The following EPN2 variants were observed in gnomAD, a reference collection of about 807,000 sequenced individuals.
EPN2 encodes the protein epsin-2.
EPN2 carries 34 observed loss-of-function variants against 61.7 expected under a neutral mutation model. That is an observed-to-expected ratio of 0.55 (90% CI 0.42 to 0.73). The LOEUF (loss-of-function observed/expected upper bound fraction) is 0.73, where lower values mean the gene tolerates loss of function less well. EPN2 is among the 30% of genes least tolerant of loss of function. EPN2 has a pLI of 0.00. For missense variants in EPN2, 714 were observed against 839.2 expected, an observed-to-expected ratio of 0.85 and a Z score of 1.84; for synonymous variants, 349 against 353.6, an observed-to-expected ratio of 0.99 and a Z score of 0.15.
intron 5 of EPN2, 32 bp downstream of exon 5, chr17:19,310,029 G>GC: frequency 4.1e-6 from 6 of 1,446,674 alleles, no homozygotes; most frequent in Non-Finnish European, 5.8e-6. Flanking sequence ...GCACTGCATT[G>GC]ACTGCCCATG....
intron 5 of EPN2, 81 bp downstream of exon 5, chr17:19,310,078 GAC>G (rs1485972602): frequency 8.4e-6 from 8 of 951,728 alleles, no homozygotes; most frequent in Admixed American, 3.6e-5. Flanking sequence ...GAAGATGGCA[GAC>G]ACAGCCCTGT....
intron 1 of EPN2, among the ~76,000 whole-genome samples, chr17:19,268,429 C>T (rs531343001): frequency 2.0e-4 from 30 of 152,216 alleles, no homozygotes; most frequent in African/African-American, 6.7e-4. Context: ...ATGATCATGG[C>T]TCACTGCAGC....
At chr17:19,297,851 CTTAG>C (rs374019112) in intron 4 of EPN2, among the ~76,000 whole-genome samples, 128 of 152,248 alleles carry the variant, frequency 8.4e-4, no homozygotes, top group African/African-American at 3.0e-3. Flanking sequence ...TTGCTAGATA[CTTAG>C]TTATATTTAT....
At chr17:19,327,234 A>G (rs1906921548) in intron 7 of EPN2, among the ~76,000 whole-genome samples, 2 of 152,198 alleles carry the variant, frequency 1.3e-5, no homozygotes, top group African/African-American at 4.8e-5. Context: ...CCTTCAACAG[A>G]GGAATCATGA....
At position 19,309,915 on chromosome 17, in the gene EPN2, A is replaced by G. The variant is rs1906037156; in HGVS notation, c.797A>G (p.Glu266Gly). The G allele has an allele frequency of 6.2e-7, 1 of 1,608,852 alleles. No individual in the cohort carries two copies. Among genetic ancestry groups the G allele is most frequent in the Admixed American group, 1.7e-5 (1 of 60,002 alleles). Reference protein sequence around the residue: ...ATSPRVSSELEQARPQTSGEE... With the variant: ...ATSPRVSSELGQARPQTSGEE... ...TCCCCGCGAGTGTCCTCCGAGCTGG[A>G]GCAAGCCCGGCCCCAGACTAGTGGA... Residue 266 changes from glutamate (E) to glycine (G), a missense_variant, in exon 5 of 11, where the codon GAG becomes GGG. Physicochemically the swap from Glu to Gly is moderately conservative, Grantham distance 98. This residue lies in a region of EPN2 where 304 missense variants were observed against 417.4 expected (regional missense o/e 0.73). Transcript: ENST00000314728.
At chr17:19,325,639 A>G (rs1471717612) in intron 7 of EPN2, among the ~76,000 whole-genome samples, 1 of 152,224 alleles carries the variant, frequency 6.6e-6, no homozygotes, top group Non-Finnish European at 1.5e-5. Context: ...ATGGTAAAAT[A>G]TTAAAAATTG....
At chr17:19,295,925 G>T (rs1349780785) in intron 4 of EPN2, among the ~76,000 whole-genome samples, 1 of 152,116 alleles carries the variant, frequency 6.6e-6, no homozygotes, top group African/African-American at 2.4e-5. Context: ...CTCATGGCCC[G>T]TAGCAGTGTC....
Position 19,334,314 on chromosome 17 carries a change from C to A in EPN2, c.*60C>A. 1.5e-6 allele frequency: 2 copies of A among 1,319,126 alleles called. No homozygotes were observed. The highest frequency in any genetic ancestry group is 2.9e-5 in the East Asian group (1 of 34,928). The allele number at this position is 1,319,126 out of a possible 1,614,324, so 81.7% of individuals were successfully genotyped here. A position where few individuals can be genotyped will look rare whatever the true frequency, so the allele number is the denominator to read the frequency against. On this transcript the variant is annotated 3_prime_UTR_variant, in exon 11 of 11. Coordinates refer to ENST00000314728, the MANE Select transcript of EPN2 (RefSeq NM_014964.5). The surrounding 1 kb of genome is among the most constrained non-coding windows in gnomAD (Gnocchi z 4.9). ...CTGGAGGATGCCGAGCAGGGACTCTCGTCTGTGGGACGGGATCCAAGAGTT... is the reference window on the plus strand; with the variant it reads ...CTGGAGGATGCCGAGCAGGGACTCTAGTCTGTGGGACGGGATCCAAGAGTT...
intron 7 of EPN2, among the ~76,000 whole-genome samples, chr17:19,319,951 C>T (rs1014833767): frequency 2.6e-5 from 4 of 152,204 alleles, no homozygotes; most frequent in East Asian, 3.9e-4. Context: ...TACACCATGC[C>T]CAGCGACAGA....
intron 1 of EPN2, among the ~76,000 whole-genome samples, chr17:19,264,333 G>A (rs1002029239): frequency 6.6e-6 from 1 of 152,176 alleles, no homozygotes; most frequent in Admixed American, 6.5e-5. Context: ...CCTCCTGTTG[G>A]GATGTCAGCT....
At position 19,313,168 on chromosome 17, in the gene EPN2, C is replaced by G. The variant is rs760514767; in HGVS notation, c.1036C>G (p.Pro346Ala). Residue 346 changes from proline (P) to alanine (A), a missense_variant, in exon 7 of 11, where the codon CCC (proline) becomes GCC (alanine). Physicochemically the swap from Pro to Ala is conservative, Grantham distance 27. Transcript: ENST00000314728. Reference sequence around the variant, plus strand: ...AATGGATGCTCTCCCCAGCTCGGGCCCCGCGGCCCAGAAAGCAGAGCCCTG... The same window carrying G: ...AATGGATGCTCTCCCCAGCTCGGGCGCCGCGGCCCAGAAAGCAGAGCCCTG... ...DLMDALPSSG[P>A]AAQKAEPWGP... 1.2e-6 allele frequency: 2 copies of G among 1,613,792 alleles called. No individual in the cohort carries two copies. The highest frequency in any genetic ancestry group is 1.7e-6 in the Non-Finnish European group (2 of 1,179,842).
intron 1 of EPN2, among the ~76,000 whole-genome samples, chr17:19,260,782 A>C (rs2045132931): frequency 6.6e-6 from 1 of 152,022 alleles, no homozygotes; most frequent in African/African-American, 2.4e-5. Context: ...AGCAGTTTGA[A>C]TACCCTTCTA....
At chr17:19,314,765 T>G (rs749642513) in intron 7 of EPN2, among the ~76,000 whole-genome samples, 22 of 152,256 alleles carry the variant, frequency 1.4e-4, no homozygotes, top group Non-Finnish European at 7.3e-5. Context: ...TTCACAAGGT[T>G]TGTCACTTGT....
At chr17:19,280,300 A>T (rs1282114560) in intron 1 of EPN2, among the ~76,000 whole-genome samples, 1 of 152,208 alleles carries the variant, frequency 6.6e-6, no homozygotes, top group East Asian at 1.9e-4. Context: ...ATTACTATTG[A>T]TTTTGACACA....
intron 1 of EPN2, among the ~76,000 whole-genome samples, chr17:19,244,935 C>A (rs373467706): frequency 2.0e-5 from 3 of 152,160 alleles, no homozygotes; most frequent in African/African-American, 7.2e-5. Flanking sequence ...TTTATTTCCA[C>A]GACCTCATTT....
intron 1 of EPN2, among the ~76,000 whole-genome samples, chr17:19,242,252 A>G (rs2044892839): frequency 6.6e-6 from 1 of 152,130 alleles, no homozygotes; most frequent in Admixed American, 6.6e-5. Flanking sequence ...GAGTCTGGCC[A>G]GTATGGCAAA....
At chr17:19,277,350 G>A (rs113436996) in intron 1 of EPN2, among the ~76,000 whole-genome samples, 1 of 147,532 alleles carries the variant, frequency 6.8e-6, no homozygotes, top group East Asian at 2.0e-4. Flanking sequence ...GCAGTGAGCC[G>A]AGATTGCACC....
At chr17:19,313,080 T>C (rs374596046) in intron 6 of EPN2, 25 bp from the exon 7 acceptor site, 8 of 1,608,974 alleles carry the variant, frequency 5.0e-6, no homozygotes, top group Non-Finnish European at 5.9e-6. Flanking sequence ...TAGTAAAACC[T>C]GTCCCCTTCT....
chr17:19,305,072 G>A (rs1395083990), intron 4 of EPN2, among the ~76,000 whole-genome samples: 1 of 151,998 alleles, frequency 6.6e-6, no homozygotes, highest in African/African-American at 2.4e-5. Flanking sequence ...CCATTTGATG[G>A]TAGAATCCTG....
Sources: allele counts gnomAD v4.1 joint callset (sites outside exome capture counted in the v4.1 genomes callset), GRCh38; gene constraint gnomAD v4.1.1; regional missense constraint gnomAD v4.1.1; non-coding constraint Gnocchi (gnomAD v3.1); transcripts MANE v1.5; gene names NCBI Gene and HGNC (gene_info 2026-07-23, HGNC 2026-07-21).